EPHA4: variants seen among roughly 807,000 people sequenced by gnomAD.
The protein encoded by EPHA4 is ephrin type-A receptor 4.
In EPHA4, 19 loss-of-function variants were observed where a neutral mutation model predicts 108.3. That is an observed-to-expected ratio of 0.18 (90% confidence interval 0.12 to 0.26). The LOEUF is 0.26. Ranked by LOEUF, EPHA4 falls within the 10% of genes least tolerant of loss-of-function variation. EPHA4 has a pLI of 1.00. For missense variants in EPHA4, 917 were observed against 1,254.0 expected (o/e 0.73, Z 4.06); for synonymous variants, 449 against 455.5 (o/e 0.99, Z 0.18).
intron 11 of EPHA4, among the ~76,000 whole-genome samples, chr2:221,442,451 C>G (rs894434345): frequency 2.0e-5 from 3 of 152,160 alleles, no homozygotes; most frequent in Admixed American, 6.5e-5. Context: ...ACCAAAGATT[C>G]CAGCACAAGG....
chr2:221,556,854 A>C (rs1023519131), intron 3 of EPHA4, among the ~76,000 whole-genome samples: 7 of 152,190 alleles, frequency 4.6e-5, no homozygotes, highest in Non-Finnish European at 1.0e-4. Context: ...TACTGTGCTT[A>C]ATCTATAACT....
In EPHA4 at chr2:221,429,858, G is replaced by A. The variant is rs148110493; in HGVS notation, c.2690+100C>T. The A allele has an allele frequency of 6.0e-4, 797 of 1,323,210 alleles. 4 individuals carry two copies. In the African/African-American group the frequency reaches 0.01, roughly 17 times the overall value. 82.0% of individuals were successfully genotyped at this position (1,323,210 alleles called of 1,614,324 possible). On this transcript the variant is annotated intron_variant, in intron 15 of 17. Coordinates refer to ENST00000281821, the MANE Select transcript of EPHA4 (RefSeq NM_004438.5). ...CACCCAGGTTGCAGAGAGCCATGAA[G>A]TGGCCTCTGATGAAAAGGCAGGAAT...
At position 221,479,346 on chromosome 2, in the gene EPHA4, T is replaced by C. The variant is rs144836471; in HGVS notation, c.1318+3006A>G. 3.1e-3 allele frequency among the ~76,000 whole-genome samples: 471 copies of C among 152,324 alleles called. 3 individuals carry two copies. Among genetic ancestry groups the C allele is most frequent in the Non-Finnish European group, 4.9e-3 (334 of 68,030 alleles). The stretch of plus-strand genomic sequence containing the variant: ...TGGTGAACATAGGACCCAAGAATTC[T>C]AGCAGGTTTTGCGTGATTGATTTGA... On this transcript the variant is annotated intron_variant, in intron 5 of 17. Coordinates refer to ENST00000281821, the MANE Select transcript of EPHA4 (RefSeq NM_004438.5).
intron 3 of EPHA4, among the ~76,000 whole-genome samples, chr2:221,521,622 G>A (rs1693167833): frequency 6.6e-6 from 1 of 152,092 alleles, no homozygotes; most frequent in South Asian, 2.1e-4. Context: ...GTTTAAGGAA[G>A]AACCTTGTAA....
At chr2:221,472,982 T>A (rs1159986451) in intron 5 of EPHA4, among the ~76,000 whole-genome samples, 1 of 152,196 alleles carries the variant, frequency 6.6e-6, no homozygotes, top group Non-Finnish European at 1.5e-5. Flanking sequence ...GACATTTTGA[T>A]GACCATTCAG....
chr2:221,488,976 A>T (rs1692059611), intron 4 of EPHA4, among the ~76,000 whole-genome samples: 2 of 152,252 alleles, frequency 1.3e-5, no homozygotes, highest in South Asian at 4.1e-4. Context: ...CAAGATTTAA[A>T]GTAGCCCCTT....
At chr2:221,533,229 C>T (rs181448668) in intron 3 of EPHA4, among the ~76,000 whole-genome samples, 2 of 152,304 alleles carry the variant, frequency 1.3e-5, no homozygotes, top group East Asian at 1.9e-4. Flanking sequence ...TACCATCAGG[C>T]AGCCCCATAG....
intron 5 of EPHA4, among the ~76,000 whole-genome samples, chr2:221,466,442 C>A (rs1288854327): frequency 6.6e-6 from 1 of 152,176 alleles, no homozygotes; most frequent in Non-Finnish European, 1.5e-5. Flanking sequence ...TCATTTCATC[C>A]CTATAACTCT....
chr2:221,499,733 TATATATATATATATATATATA>T (rs1692417141), intron 4 of EPHA4, among the ~76,000 whole-genome samples: 1 of 46,718 alleles, frequency 2.1e-5, no homozygotes, highest in Non-Finnish European at 3.9e-5. Context: ...TATATATATA[TATATATATATATATATATATA>T]TATTTTTTTT....
At chr2:221,550,418 GGA>G (rs71406572) in intron 3 of EPHA4, among the ~76,000 whole-genome samples, 4,153 of 135,500 alleles carry the variant, frequency 0.031, 154 homozygotes, top group African/African-American at 0.096. Flanking sequence ...TGAGGAAAGG[GGA>G]GAGAGAGAGA....
intron 17 of EPHA4, among the ~76,000 whole-genome samples, chr2:221,424,902 G>A (rs977853485): frequency 2.0e-5 from 3 of 152,164 alleles, no homozygotes; most frequent in Admixed American, 6.5e-5. Flanking sequence ...GGCACCAAAG[G>A]ACAGGAGGAG....
Position 221,418,703 on chromosome 2 carries a change from G to A in EPHA4, c.*2669C>T, listed in dbSNP as rs187306799. On this transcript the variant is annotated 3_prime_UTR_variant, in exon 18 of 18. Coordinates refer to ENST00000281821, the MANE Select transcript of EPHA4 (RefSeq NM_004438.5). ...AGGTGAAGCTACTTGATTTGGTGCA[G>A]CGGGGTAGTTTCCCACTGCTCTAGA... The A allele has an allele frequency of 6.6e-6, 1 of 152,458 alleles. No individual in the cohort carries two copies. Among genetic ancestry groups the A allele is most frequent in the East Asian group, 1.9e-4 (1 of 5,174 alleles). 9.4% of individuals were successfully genotyped at this position (152,458 alleles called of 1,614,324 possible).
At chr2:221,476,334 CT>C (rs1479777724) in intron 5 of EPHA4, among the ~76,000 whole-genome samples, 5 of 152,138 alleles carry the variant, frequency 3.3e-5, no homozygotes, top group Non-Finnish European at 7.3e-5. Context: ...CACAACCTGT[CT>C]TTCAACACCT....
intron 3 of EPHA4, among the ~76,000 whole-genome samples, chr2:221,534,292 G>A (rs1693601022): frequency 6.6e-6 from 1 of 152,152 alleles, no homozygotes; most frequent in African/African-American, 2.4e-5. Flanking sequence ...CCCATAAGTG[G>A]CTCTGGGAAA....
intron 3 of EPHA4, among the ~76,000 whole-genome samples, chr2:221,503,918 C>A (rs1692552959): frequency 6.6e-6 from 1 of 152,170 alleles, no homozygotes; most frequent in Non-Finnish European, 1.5e-5. Context: ...CATTTCTTTG[C>A]TCTATGTGGT....
chr2:221,432,768 C>T (rs896288250), intron 14 of EPHA4, among the ~76,000 whole-genome samples: 3 of 151,326 alleles, frequency 2.0e-5, no homozygotes, highest in Admixed American at 6.6e-5. Context: ...CTCAGCGTCC[C>T]GAGTAGCTGG....
chr2:221,449,648 G>A (rs1690708150), intron 8 of EPHA4, among the ~76,000 whole-genome samples: 1 of 152,186 alleles, frequency 6.6e-6, no homozygotes, highest in Non-Finnish European at 1.5e-5. Context: ...AACAGCGTGA[G>A]CCCTCTCAAC....
intron 4 of EPHA4, among the ~76,000 whole-genome samples, chr2:221,493,166 C>T (rs1559264763): frequency 6.6e-6 from 1 of 152,216 alleles, no homozygotes; most frequent in African/African-American, 2.4e-5. Context: ...GAATGTATGC[C>T]TCCCCCATCA....
At chr2:221,525,493 C>T (rs2106178079) in intron 3 of EPHA4, among the ~76,000 whole-genome samples, 1 of 152,264 alleles carries the variant, frequency 6.6e-6, no homozygotes, top group South Asian at 2.1e-4. Flanking sequence ...CACGCCTTTC[C>T]CAGGTTTGAT....
Sources: gnomAD v4.1 joint callset for allele counts (sites outside exome capture counted in the v4.1 genomes callset) on GRCh38, gnomAD v4.1.1 for gene constraint, MANE v1.5 for transcripts, NCBI Gene and HGNC (gene_info 2026-07-23, HGNC 2026-07-21) for gene names.